The following IL1RN variants were observed in gnomAD, a reference collection of about 807,000 sequenced individuals.
IL1RN encodes interleukin 1 receptor antagonist.
A neutral mutation model predicts 13.7 loss-of-function variants in IL1RN; 10 were observed. The ratio of observed to expected loss-of-function variants is 0.73; its 90% CI spans 0.45 to 1.24. IL1RN has a LOEUF of 1.24. IL1RN is among the 50% of genes most tolerant of loss of function. IL1RN has a pLI of 0.00. For synonymous variants in IL1RN, 102 were observed against 82.7 expected, an observed-to-expected ratio of 1.23 and a Z score of -1.27; for missense variants, 213 against 222.1, an observed-to-expected ratio of 0.96 and a Z score of 0.26.
At chr2:113,108,669 T>C (rs1310216630), upstream of IL1RN, among the ~76,000 whole-genome samples, 1 of 152,054 alleles carries the variant, frequency 6.6e-6, no homozygotes. Context: ...GATGTGGGAA[T>C]TGCGGGTGGT....
intron 1 of IL1RN, among the ~76,000 whole-genome samples, chr2:113,128,262 G>A (rs928022655): frequency 7.0e-4 from 106 of 152,322 alleles, no homozygotes; most frequent in African/African-American, 2.4e-3. Flanking sequence ...ACAGTATTCC[G>A]TGCATTGTAA....
At chr2:113,112,312 A>G (rs1686514445) in intron 1 of IL1RN, among the ~76,000 whole-genome samples, 1 of 152,158 alleles carries the variant, frequency 6.6e-6, no homozygotes, top group South Asian at 2.1e-4. Context: ...TGGGTATAGG[A>G]CCCTATAATT....
At chr2:113,131,501 T>C (rs1687170190) in intron 3 of IL1RN, among the ~76,000 whole-genome samples, 2 of 152,080 alleles carry the variant, frequency 1.3e-5, no homozygotes, top group Non-Finnish European at 1.5e-5. Flanking sequence ...GCTTGCATCA[T>C]CCTATTGGCC....
At chr2:113,122,472 T>G (rs4251991) in intron 2 of IL1RN, among the ~76,000 whole-genome samples, 27,249 of 152,094 alleles carry the variant, frequency 0.18, 3,100 homozygotes, top group East Asian at 0.58. Context: ...TGATATCATG[T>G]CAGTAGCTTG....
intron 2 of IL1RN, chr2:113,129,936 A>G (rs936557265): frequency 1.3e-5 from 6 of 457,936 alleles, no homozygotes; most frequent in Non-Finnish European, 2.0e-5. Context: ...GGCAAATACC[A>G]GAAGGCAAGG....
chr2:113,108,866 G>A (rs1270220972), upstream of IL1RN, among the ~76,000 whole-genome samples: 2 of 152,170 alleles, frequency 1.3e-5, no homozygotes, highest in Non-Finnish European at 2.9e-5. Context: ...TAAGTTGAGA[G>A]GGAGATGATC....
upstream of IL1RN, chr2:113,127,417 G>T (rs1558867249): frequency 7.6e-7 from 1 of 1,314,450 alleles, no homozygotes; most frequent in Non-Finnish European, 9.8e-7. Context: ...AAAGGGGAGG[G>T]AATCAGTTAC....
chr2:113,119,148 G>A lies in IL1RN; in HGVS notation c.11-918G>A, dbSNP rs4251982. The stretch of plus-strand genomic sequence containing the variant: ...TTGCACTCCTTTCTGGGTGTTAAGA[G>A]GAGGTCTAGAGGAAGCTGGACAACT... On this transcript the variant is annotated intron_variant, in intron 1 of 5. Coordinates refer to the IL1RN transcript ENST00000259206. 2.6e-3 allele frequency among the ~76,000 whole-genome samples: 392 copies of A among 152,332 alleles called. 1 individual carries two copies. Among genetic ancestry groups the A allele is most frequent in the African/African-American group, 8.9e-3 (372 of 41,576 alleles).
At chr2:113,108,943 C>A (rs1176419765), upstream of IL1RN, among the ~76,000 whole-genome samples, 1 of 150,866 alleles carries the variant, frequency 6.6e-6, no homozygotes, top group Non-Finnish European at 1.5e-5. Flanking sequence ...AATTTTAGAC[C>A]CTGAGAAGTA....
upstream of IL1RN, among the ~76,000 whole-genome samples, chr2:113,126,509 T>C (rs994405061): frequency 1.3e-5 from 2 of 152,220 alleles, no homozygotes; most frequent in South Asian, 2.1e-4. Context: ...CTGTAGATCA[T>C]GCAGAAATTC....
the IL1RN span, among the ~76,000 whole-genome samples, chr2:113,101,178 T>A: frequency 1.3e-5 from 2 of 152,232 alleles, no homozygotes; most frequent in Non-Finnish European, 2.9e-5. Flanking sequence ...ATTCCCCTGG[T>A]GCCATCTCCA....
chr2:113,104,253 C>A (rs1686355593), upstream of IL1RN, among the ~76,000 whole-genome samples: 1 of 152,136 alleles, frequency 6.6e-6, no homozygotes, highest in Admixed American at 6.5e-5. Context: ...AAGTTCAGGG[C>A]AATGGTACTT....
Position 113,131,146 on chromosome 2 carries a change from C to T in IL1RN, c.307C>T (p.Leu103Phe). 1.9e-6 allele frequency: 3 copies of T among 1,604,288 alleles called. No individual in the cohort carries two copies. Among genetic ancestry groups the T allele is most frequent in the Non-Finnish European group, 2.6e-6 (3 of 1,171,042 alleles). The change falls in exon 3 of 4, where the codon CTC becomes TTC. Residue 103 changes from leucine to phenylalanine, a missense_variant. Physicochemically the swap from Leu to Phe is conservative, Grantham distance 22. Transcript: ENST00000409930. ...SCVKSGDETR[L>F]QLEAVNITDL... ...TGTCAAGTCTGGTGATGAGACCAGACTCCAGCTGGAGGTAAAAACATGCTT... is the reference window on the plus strand; with the variant it reads ...TGTCAAGTCTGGTGATGAGACCAGATTCCAGCTGGAGGTAAAAACATGCTT...
chr2:113,129,439 G>A lies in IL1RN; in HGVS notation c.117-137G>A, dbSNP rs554608285. The stretch of plus-strand genomic sequence containing the variant: ...CTCAGTCTTCTCATCCATGCATGCC[G>A]TGGGTATACTAAAATACTATACCCC... On this transcript the variant is annotated intron_variant, in intron 1 of 3. Transcript: ENST00000409930. 4.4e-4 allele frequency: 323 copies of A among 728,652 alleles called. 4 individuals carry two copies. Among genetic ancestry groups the A allele is most frequent in the South Asian group, 3.6e-3 (253 of 70,712 alleles). 45.1% of individuals were successfully genotyped at this position (728,652 alleles called of 1,614,324 possible).
In IL1RN at chr2:113,133,245, AC is replaced by A; in HGVS notation, c.*379del. On this transcript the variant is annotated 3_prime_UTR_variant, in exon 4 of 4. Transcript: ENST00000409930. ...CCTGGATCCATCAGGCCACTTGATGACCCCCAACCAAGTGGCTCCCACACCC... is the reference window on the plus strand; with the variant it reads ...CCTGGATCCATCAGGCCACTTGATGACCCCAACCAAGTGGCTCCCACACCC... The A allele has an allele frequency of 3.0e-6, 1 of 337,940 alleles. No individual in the cohort carries two copies. Among genetic ancestry groups the A allele is most frequent in the Non-Finnish European group, 5.7e-6 (1 of 175,600 alleles). The allele number at this position is 337,940 out of a possible 1,614,324, so 20.9% of individuals were successfully genotyped here. A position where few individuals can be genotyped will look rare whatever the true frequency, so the allele number is the denominator to read the frequency against.
At chr2:113,119,937 T>G (rs1189163222) in intron 1 of IL1RN, 1 of 769,242 alleles carries the variant, frequency 1.3e-6, no homozygotes, top group Non-Finnish European at 2.3e-6. Context: ...ACTGGAAGGG[T>G]GAGAACAGAG....
In IL1RN at chr2:113,132,986, T is replaced by A. The variant is rs769883724; in HGVS notation, c.*115T>A. ...GCACTGAGGACCAGCCATTGAGGGG[T>A]GGACCCTCAGAAGGCGTCACAACAA... On this transcript the variant is annotated 3_prime_UTR_variant, in exon 4 of 4. Transcript: ENST00000409930. 16 of 1,003,252 alleles carry A rather than the reference T, an allele frequency of 1.6e-5. No individual in the cohort carries two copies. The Admixed American group carries it at 2.2e-4, about 14-fold the overall frequency. The allele number at this position is 1,003,252 out of a possible 1,614,324, so 62.1% of individuals were successfully genotyped here.
intron 3 of IL1RN, 60 bp from the exon 4 acceptor site, chr2:113,132,595 AG>A (rs1308012859): frequency 6.9e-7 from 1 of 1,452,514 alleles, no homozygotes; most frequent in African/African-American, 1.4e-5. Flanking sequence ...TGGAGTGGAG[AG>A]GGAGGCAGCA....
chr2:113,107,822 C>T (rs930729341), upstream of IL1RN, among the ~76,000 whole-genome samples: 3 of 152,084 alleles, frequency 2.0e-5, no homozygotes, highest in Non-Finnish European at 4.4e-5. Context: ...ACTTCCTAAA[C>T]GAATATGTAA....
Sources: gnomAD v4.1 joint callset for allele counts (sites outside exome capture counted in the v4.1 genomes callset) on GRCh38, gnomAD v4.1.1 for gene constraint, MANE v1.5 for transcripts, NCBI Gene and HGNC (gene_info 2026-07-23, HGNC 2026-07-21) for gene names.